LPP: variants seen among roughly 807,000 people sequenced by gnomAD.
LPP encodes the protein LIM domain containing preferred translocation partner in lipoma, also known as lipoma-preferred partner.
In LPP, 38 loss-of-function variants were observed where a neutral mutation model predicts 60.4. The ratio of observed to expected loss-of-function variants is 0.63; its 90% CI spans 0.49 to 0.83. The LOEUF (loss-of-function observed/expected upper bound fraction) is 0.83. Ranked by LOEUF, LPP falls within the 40% of genes least tolerant of loss-of-function variation. The probability of loss-of-function intolerance (pLI) is 0.00; values close to 1 mark genes in which losing one functional copy is unlikely to be tolerated. For missense variants in LPP, 902 were observed against 783.6 expected (o/e 1.15, Z -1.80); for synonymous variants, 328 against 290.8 (o/e 1.13, Z -1.30).
chr3:188,653,531 G>A (rs1342628398), intron 7 of LPP, among the ~76,000 whole-genome samples: 1 of 152,122 alleles, frequency 6.6e-6, no homozygotes, highest in Non-Finnish European at 1.5e-5. Context: ...CTCTTGGACT[G>A]AAGTCATCCA....
chr3:188,347,253 C>T (rs1764642719), intron 3 of LPP, among the ~76,000 whole-genome samples: 2 of 152,038 alleles, frequency 1.3e-5, no homozygotes, highest in Admixed American at 1.3e-4. Flanking sequence ...GGTAGATGGG[C>T]CCCAGAGGAA....
rs1328591687 is a variant in LPP at position 188,605,516 on chromosome 3, TAGAC to T, written c.430-3642_430-3639del. Among the ~76,000 whole-genome samples the T allele has an allele frequency of 6.6e-5, 10 of 152,086 alleles. No homozygotes were observed. The South Asian group carries it at 1.5e-3, about 22-fold the overall frequency. ...GAGACATTCAAGCAGACACATGAAA[TAGAC>T]AGTTGAGGATTTGGGCTTAGTATTC... On this transcript the variant is annotated intron_variant, in intron 6 of 11. Coordinates refer to ENST00000617246, the MANE Select transcript of LPP (RefSeq NM_001375462.1).
chr3:188,800,219 A>G (rs1216402057), intron 9 of LPP, among the ~76,000 whole-genome samples: 2 of 140,176 alleles, frequency 1.4e-5, no homozygotes, highest in East Asian at 2.0e-4. Context: ...TCTTTGTGCA[A>G]TTATCTTCAT....
chr3:188,183,446 T>G (rs1303527283), intron 1 of LPP, among the ~76,000 whole-genome samples: 2 of 152,170 alleles, frequency 1.3e-5, no homozygotes, highest in African/African-American at 4.8e-5. Context: ...CTGATTCTTT[T>G]TTCACTGTCC....
chr3:188,886,729 C>CACACGCAT lies in LPP; in HGVS notation c.*12254_*12255insGCATACAC. On this transcript the variant is annotated 3_prime_UTR_variant, in exon 12 of 12. Transcript: ENST00000617246. ...TTGTATTGTCTTCAAAACACACACA[C>CACACGCAT]ACACACATACACACACACACACACA... 7.2e-6 allele frequency: 1 copy of CACACGCAT among 138,028 alleles called. No homozygotes were observed. The highest frequency in any genetic ancestry group is 1.3e-5 in the Non-Finnish European group (1 of 78,208). 8.6% of individuals were successfully genotyped at this position (138,028 alleles called of 1,614,324 possible). A position where few individuals can be genotyped will look rare whatever the true frequency, so the allele number is the denominator to read the frequency against.
At position 188,524,355 on chromosome 3, in the gene LPP, C is replaced by G. The variant is rs532907470; in HGVS notation, c.307-310C>G. On this transcript the variant is annotated intron_variant, in intron 5 of 11. Coordinates refer to ENST00000617246, the MANE Select transcript of LPP (RefSeq NM_001375462.1). ...TGAGCTCTCTTCAGCTGGTTCTGTT[C>G]TTTAGGTGCAGGAATGGAGACATTT... Among the ~76,000 whole-genome samples the G allele has an allele frequency of 2.3e-4, 35 of 152,252 alleles. 1 individual carries two copies. In the South Asian group the frequency reaches 7.1e-3, roughly 31 times the overall value.
intron 10 of LPP, among the ~76,000 whole-genome samples, 163 bp from the exon 11 acceptor site, chr3:188,872,480 C>T (rs1578092921): frequency 6.6e-6 from 1 of 152,186 alleles, no homozygotes; most frequent in Non-Finnish European, 1.5e-5. Flanking sequence ...TATTTACCAC[C>T]GATTGATGGA....
chr3:188,560,556 C>A (rs1003959824), intron 6 of LPP, among the ~76,000 whole-genome samples: 5 of 152,118 alleles, frequency 3.3e-5, no homozygotes, highest in Non-Finnish European at 5.9e-5. Flanking sequence ...CAAGTCATAT[C>A]CTTCCACATA....
Position 188,572,822 on chromosome 3 carries a change from A to T in LPP, c.430-36339A>T, listed in dbSNP as rs56321314. Among the ~76,000 whole-genome samples, 48,064 of 151,932 alleles carry T rather than the reference A, an allele frequency of 0.32. 7,942 individuals carry two copies. The highest frequency in any genetic ancestry group is 0.36 in the Middle Eastern group (106 of 294). ...ACTTATGCTACTTGTTCATCATAGG[A>T]CAGAAGGAGTTCTTTGCAGACTAAT... On this transcript the variant is annotated intron_variant, in intron 6 of 11. Transcript: ENST00000617246. This position sits in a 1 kb window ranked among gnomAD's most constrained non-coding sequence, Gnocchi z 4.1.
chr3:188,210,341 A>G (rs1042032775), intron 1 of LPP, among the ~76,000 whole-genome samples: 4 of 152,190 alleles, frequency 2.6e-5, no homozygotes, highest in African/African-American at 7.2e-5. Context: ...TGAGACAGAC[A>G]TAGGTTGAAA....
At chr3:188,447,151 G>A (rs903119772) in intron 4 of LPP, among the ~76,000 whole-genome samples, 2 of 152,092 alleles carry the variant, frequency 1.3e-5, no homozygotes, top group Admixed American at 1.3e-4. Context: ...TTACCTGGAG[G>A]GAGTTTTATA....
intron 2 of LPP, among the ~76,000 whole-genome samples, chr3:188,253,795 C>T (rs1730744618): frequency 6.6e-6 from 1 of 152,196 alleles, no homozygotes. Flanking sequence ...TCCCTCCCCT[C>T]AGTAAAACCT....
rs548611510 is a variant in LPP at position 188,889,791 on chromosome 3, T to C, written c.*15312T>C. On this transcript the variant is annotated 3_prime_UTR_variant, in exon 12 of 12. Coordinates refer to ENST00000617246, the MANE Select transcript of LPP (RefSeq NM_001375462.1). ...AGTCATCATCATTGGATGAATCCAG[T>C]TGACTCTTTGGCAAAAGGGTGATAC... The C allele has an allele frequency of 1.8e-4, 39 of 216,316 alleles. No homozygotes were observed. Among genetic ancestry groups the C allele is most frequent in the Admixed American group, 5.8e-4 (10 of 17,210 alleles). 13.4% of individuals were successfully genotyped at this position (216,316 alleles called of 1,614,324 possible).
At chr3:188,670,973 A>G (rs1346406622) in intron 7 of LPP, among the ~76,000 whole-genome samples, 2 of 152,190 alleles carry the variant, frequency 1.3e-5, no homozygotes, top group Admixed American at 1.3e-4. Context: ...TTCTAACCCA[A>G]TAGGGCAATT....
At chr3:188,737,077 A>G (rs1577272011) in intron 8 of LPP, among the ~76,000 whole-genome samples, 1 of 152,136 alleles carries the variant, frequency 6.6e-6, no homozygotes, top group Non-Finnish European at 1.5e-5. Flanking sequence ...AGTACTTCCC[A>G]ATAATCAGAT....
At chr3:188,812,118 G>A (rs891720007) in intron 9 of LPP, among the ~76,000 whole-genome samples, 5 of 152,064 alleles carry the variant, frequency 3.3e-5, no homozygotes, top group East Asian at 1.9e-4. Context: ...GGTTGAGTAC[G>A]TTTATAGATA....
intron 9 of LPP, among the ~76,000 whole-genome samples, chr3:188,845,512 G>A (rs978021022): frequency 2.0e-5 from 3 of 152,172 alleles, no homozygotes; most frequent in Non-Finnish European, 4.4e-5. Context: ...ATTTTAGAAA[G>A]GGTCTCTTTT....
chr3:188,739,994 T>C (rs1723851787), intron 8 of LPP, among the ~76,000 whole-genome samples: 1 of 152,130 alleles, frequency 6.6e-6, no homozygotes, highest in African/African-American at 2.4e-5. Flanking sequence ...TTGTTGATAC[T>C]AAGGTGTTAT....
intron 9 of LPP, among the ~76,000 whole-genome samples, chr3:188,763,832 A>C (rs1014194575): frequency 1.3e-5 from 2 of 152,076 alleles, no homozygotes; most frequent in African/African-American, 4.8e-5. Context: ...TTTGAATTAC[A>C]TCCTTAGCAT....
Sources: gnomAD v4.1 joint callset for allele counts (sites outside exome capture counted in the v4.1 genomes callset) on GRCh38, gnomAD v4.1.1 for gene constraint, Gnocchi (gnomAD v3.1) non-coding constraint, MANE v1.5 for transcripts, NCBI Gene and HGNC (gene_info 2026-07-23, HGNC 2026-07-21) for gene names.